Variants in ETS1 observed in about 807,000 individuals in gnomAD.
The protein encoded by ETS1 is ETS proto-oncogene 1, transcription factor.
In ETS1, 15 loss-of-function variants were observed where a neutral mutation model predicts 58.6. That is an observed-to-expected ratio of 0.26 (90% CI 0.17 to 0.39). The LOEUF (loss-of-function observed/expected upper bound fraction) is 0.39, where lower values mean the gene tolerates loss of function less well. Among genes scored for constraint, ETS1 ranks in the 10% least tolerant of loss-of-function variants. The probability of loss-of-function intolerance (pLI) is 1.00; values close to 1 mark genes in which losing one functional copy is unlikely to be tolerated. For synonymous variants in ETS1, 214 were observed against 218.2 expected, an observed-to-expected ratio of 0.98 and a Z score of 0.17; for missense variants, 417 against 610.5, an observed-to-expected ratio of 0.68 and a Z score of 3.34.
intron 3 of ETS1, among the ~76,000 whole-genome samples, chr11:128,500,688 T>G (rs1863064373): frequency 6.6e-6 from 1 of 152,104 alleles, no homozygotes; most frequent in Non-Finnish European, 1.5e-5. Flanking sequence ...GAAACCACAA[T>G]GAAAAATAAG....
At chr11:128,509,612 T>C (rs1320955929) in intron 3 of ETS1, among the ~76,000 whole-genome samples, 6 of 151,140 alleles carry the variant, frequency 4.0e-5, no homozygotes, top group Non-Finnish European at 7.4e-5. Context: ...ATGGTAGATA[T>C]GTATAAGTGA....
chr11:128,489,526 G>A (rs759268607), intron 4 of ETS1, 36 bp from the exon 5 acceptor site: 21 of 1,585,856 alleles, frequency 1.3e-5, no homozygotes, highest in Admixed American at 5.0e-5. Flanking sequence ...CCAGCAGGTC[G>A]GGCTTTTAAC....
chr11:128,552,647 G>A (rs1864248968), intron 3 of ETS1, among the ~76,000 whole-genome samples: 3 of 152,178 alleles, frequency 2.0e-5, no homozygotes, highest in Non-Finnish European at 1.5e-5. Context: ...TTTCTGATAT[G>A]AACTATGACC....
At chr11:128,498,084 A>G (rs1307841233) in intron 3 of ETS1, among the ~76,000 whole-genome samples, 2 of 152,314 alleles carry the variant, frequency 1.3e-5, no homozygotes, top group Non-Finnish European at 2.9e-5. Context: ...CCAGGTCTCA[A>G]AGCCCCTCAG....
chr11:128,585,124 GAAGAAAGAAAGAAA>G (rs1565421624), intron 1 of ETS1, among the ~76,000 whole-genome samples: 102 of 6,450 alleles, frequency 0.016, 16 homozygotes, highest in Non-Finnish European at 0.019. Flanking sequence ...AGGAAAGAAA[GAAGAAAGAAAGAAA>G]AGAAAGAAAG....
chr11:128,580,051 A>G (rs1864834231), intron 1 of ETS1, among the ~76,000 whole-genome samples: 2 of 152,066 alleles, frequency 1.3e-5, no homozygotes, highest in Non-Finnish European at 2.9e-5. Context: ...GACACATAGT[A>G]GCCATGCAAC....
At position 128,461,376 on chromosome 11, in the gene ETS1, G is replaced by A. The variant is rs1264038572; in HGVS notation, c.*985C>T. On this transcript the variant is annotated 3_prime_UTR_variant, in exon 10 of 10. Coordinates refer to ENST00000392668, the MANE Select transcript of ETS1 (RefSeq NM_001143820.2). ...ATCTCCCTTCCAGGACTTCAACAGT[G>A]CTCCTACGTTTACTGTCGTCCAAAA... The A allele has an allele frequency of 6.5e-6, 1 of 152,682 alleles. No individual in the cohort carries two copies. Among genetic ancestry groups the A allele is most frequent in the Non-Finnish European group, 1.5e-5 (1 of 68,022 alleles). 9.5% of individuals were successfully genotyped at this position (152,682 alleles called of 1,614,324 possible).
intron 3 of ETS1, among the ~76,000 whole-genome samples, chr11:128,539,780 T>C (rs543892549): frequency 6.6e-6 from 1 of 152,350 alleles, no homozygotes; most frequent in Non-Finnish European, 1.5e-5. Flanking sequence ...TAATGGAATA[T>C]TATTTTGATG....
At chr11:128,517,421 T>C (rs1863554695) in intron 3 of ETS1, among the ~76,000 whole-genome samples, 1 of 152,230 alleles carries the variant, frequency 6.6e-6, no homozygotes, top group East Asian at 1.9e-4. Flanking sequence ...ATTTTCCTCA[T>C]CTGAAAAATG....
intron 8 of ETS1, among the ~76,000 whole-genome samples, chr11:128,467,074 G>A (rs1862058466): frequency 6.6e-6 from 1 of 152,170 alleles, no homozygotes; most frequent in Non-Finnish European, 1.5e-5. Context: ...CCTTTTTGCT[G>A]ACTCCTAAAC....
At chr11:128,508,974 T>C (rs545961422) in intron 3 of ETS1, among the ~76,000 whole-genome samples, 1 of 152,152 alleles carries the variant, frequency 6.6e-6, no homozygotes, top group Non-Finnish European at 1.5e-5. Flanking sequence ...GCCTGCACCA[T>C]GCCACTAGGC....
chr11:128,507,160 T>G (rs1863261595), intron 3 of ETS1, among the ~76,000 whole-genome samples: 2 of 152,094 alleles, frequency 1.3e-5, no homozygotes, highest in Non-Finnish European at 2.9e-5. Flanking sequence ...GATCATGAAT[T>G]TTGGCCCCTG....
chr11:128,499,117 C>T (rs1863019289), intron 3 of ETS1, among the ~76,000 whole-genome samples: 1 of 152,224 alleles, frequency 6.6e-6, no homozygotes, highest in African/African-American at 2.4e-5. Context: ...CTAAAATTCT[C>T]ATGACAGGAT....
At chr11:128,535,627 C>T (rs1863962412) in intron 3 of ETS1, among the ~76,000 whole-genome samples, 2 of 152,176 alleles carry the variant, frequency 1.3e-5, no homozygotes, top group South Asian at 4.1e-4. Context: ...CAACCAAAGT[C>T]AATGAGTGGG....
At chr11:128,498,098 A>G (rs1862991442) in intron 3 of ETS1, among the ~76,000 whole-genome samples, 1 of 152,176 alleles carries the variant, frequency 6.6e-6, no homozygotes, top group Non-Finnish European at 1.5e-5. Flanking sequence ...CCCTCAGATG[A>G]AGCTCGCTTT....
Position 128,461,106 on chromosome 11 carries a change from T to G in ETS1, c.*1255A>C, listed in dbSNP as rs1249119456. On this transcript the variant is annotated 3_prime_UTR_variant, in exon 10 of 10. Transcript: ENST00000392668. ...CTCAAGTTACTTTTTCACTCACCAA[T>G]CAGAAAGCCGTACACTTCTCTCTAC... The G allele has an allele frequency of 6.6e-6, 1 of 152,616 alleles. No individual in the cohort carries two copies. Among genetic ancestry groups the G allele is most frequent in the Non-Finnish European group, 1.5e-5 (1 of 68,036 alleles). 9.5% of individuals were successfully genotyped at this position (152,616 alleles called of 1,614,324 possible).
chr11:128,533,508 C>A (rs1216922731), intron 3 of ETS1, among the ~76,000 whole-genome samples: 1 of 152,202 alleles, frequency 6.6e-6, no homozygotes, highest in Non-Finnish European at 1.5e-5. Context: ...CTCACCTTCT[C>A]CCCCACATAG....
At chr11:128,465,348 G>T (rs534166814) in intron 8 of ETS1, among the ~76,000 whole-genome samples, 1 of 152,296 alleles carries the variant, frequency 6.6e-6, no homozygotes, top group Admixed American at 6.5e-5. Flanking sequence ...GGGCCGCACT[G>T]GTAAAGCCGT....
chr11:128,512,053 T>C (rs1213732943), intron 3 of ETS1, among the ~76,000 whole-genome samples: 2 of 152,142 alleles, frequency 1.3e-5, no homozygotes, highest in African/African-American at 4.8e-5. Context: ...TCCCCCAAAT[T>C]CCACAAACAC....
Sources: allele counts gnomAD v4.1 joint callset (sites outside exome capture counted in the v4.1 genomes callset), GRCh38; gene constraint gnomAD v4.1.1; transcripts MANE v1.5; gene names NCBI Gene and HGNC (gene_info 2026-07-23, HGNC 2026-07-21).